Variants in SNTB1 observed in about 807,000 individuals in gnomAD.
SNTB1 encodes beta-1-syntrophin.
In SNTB1, 36 loss-of-function variants were observed where a neutral mutation model predicts 48.9. The observed-to-expected ratio is 0.74, with a 90% confidence interval of 0.56 to 0.97. The LOEUF (loss-of-function observed/expected upper bound fraction) is 0.97. SNTB1 is among the 50% of genes least tolerant of loss of function. SNTB1 has a pLI of 0.00. For missense variants in SNTB1, 786 were observed against 703.4 expected (o/e 1.12, Z -1.33); for synonymous variants, 299 against 294.6 (o/e 1.01, Z -0.15).
At chr8:120,719,188 T>C (rs113203609) in intron 1 of SNTB1, among the ~76,000 whole-genome samples, 4,104 of 152,232 alleles carry the variant, frequency 0.027, 169 homozygotes, top group African/African-American at 0.092. Flanking sequence ...GTCAGTGGGC[T>C]GAGAAAGGCA....
At chr8:120,635,584 G>A (rs1197856533) in intron 2 of SNTB1, 1 of 164,726 alleles carries the variant, frequency 6.1e-6, no homozygotes. Context: ...TTGAGAAATT[G>A]TGCAAGATTA....
chr8:120,535,813 A>G lies in SNTB1; in HGVS notation c.*3064T>C, dbSNP rs1434414691. On this transcript the variant is annotated 3_prime_UTR_variant, in exon 7 of 7. Coordinates refer to ENST00000517992, the MANE Select transcript of SNTB1 (RefSeq NM_021021.4). ...AATTTTACATAATATTCATGGTGCTATAAATATAGGCACATTTTTTAAAAG... is the reference window on the plus strand; with the variant it reads ...AATTTTACATAATATTCATGGTGCTGTAAATATAGGCACATTTTTTAAAAG... The G allele has an allele frequency of 6.6e-6, 1 of 152,204 alleles. No individual in the cohort carries two copies. Among genetic ancestry groups the G allele is most frequent in the Admixed American group, 6.5e-5 (1 of 15,284 alleles). The allele number at this position is 152,204 out of a possible 1,614,324, so 9.4% of individuals were successfully genotyped here.
intron 3 of SNTB1, among the ~76,000 whole-genome samples, chr8:120,598,371 C>T (rs757643204): frequency 2.6e-5 from 4 of 152,196 alleles, no homozygotes; most frequent in Admixed American, 6.5e-5. Flanking sequence ...CTTCTTTATG[C>T]GAGGCCAAAC....
chr8:120,698,528 G>A (rs1005935297), intron 1 of SNTB1, among the ~76,000 whole-genome samples: 1 of 151,718 alleles, frequency 6.6e-6, no homozygotes, highest in Non-Finnish European at 1.5e-5. Flanking sequence ...AAATGAAGAA[G>A]TTTGTTATTG....
intron 4 of SNTB1, among the ~76,000 whole-genome samples, chr8:120,549,581 C>T (rs557647326): frequency 1.3e-5 from 2 of 152,308 alleles, no homozygotes; most frequent in South Asian, 4.1e-4. Flanking sequence ...GAGATTTTTA[C>T]CACACAAGAT....
chr8:120,801,232 G>T (rs918943750), intron 1 of SNTB1, among the ~76,000 whole-genome samples: 1 of 151,974 alleles, frequency 6.6e-6, no homozygotes, highest in Non-Finnish European at 1.5e-5. Flanking sequence ...TATTTGAAAT[G>T]CAAGGCCTCA....
At chr8:120,629,847 A>G (rs1396225796) in intron 3 of SNTB1, among the ~76,000 whole-genome samples, 1 of 152,234 alleles carries the variant, frequency 6.6e-6, no homozygotes, top group Non-Finnish European at 1.5e-5. Context: ...AAATTACACC[A>G]TAAGAACAAT....
chr8:120,673,712 G>A (rs565598348), intron 2 of SNTB1, among the ~76,000 whole-genome samples: 1 of 148,480 alleles, frequency 6.7e-6, no homozygotes, highest in South Asian at 2.2e-4. Flanking sequence ...TGACTGGTTG[G>A]CACCAGGGCC....
chr8:120,733,950 A>G (rs1818895172), intron 1 of SNTB1, among the ~76,000 whole-genome samples: 1 of 152,164 alleles, frequency 6.6e-6, no homozygotes, highest in African/African-American at 2.4e-5. Flanking sequence ...AATTCTCAGG[A>G]TTGTAAAGTT....
At chr8:120,752,463 A>T (rs1010821068) in intron 1 of SNTB1, among the ~76,000 whole-genome samples, 3 of 152,134 alleles carry the variant, frequency 2.0e-5, no homozygotes, top group African/African-American at 7.2e-5. Flanking sequence ...AGGAAAATCA[A>T]TCATTCTAGG....
At chr8:120,714,147 C>T (rs964017619) in intron 1 of SNTB1, among the ~76,000 whole-genome samples, 1 of 152,080 alleles carries the variant, frequency 6.6e-6, no homozygotes, top group African/African-American at 2.4e-5. Flanking sequence ...TCTACCAGAC[C>T]AGAATTTATT....
intron 1 of SNTB1, among the ~76,000 whole-genome samples, chr8:120,699,382 C>G (rs918501012): frequency 6.6e-6 from 1 of 152,170 alleles, no homozygotes; most frequent in African/African-American, 2.4e-5. Context: ...TGGCTTAGCG[C>G]CATCCCCTTG....
At chr8:120,618,667 C>T (rs1816751209) in intron 3 of SNTB1, among the ~76,000 whole-genome samples, 1 of 152,144 alleles carries the variant, frequency 6.6e-6, no homozygotes, top group Non-Finnish European at 1.5e-5. Context: ...TGTTCAATCC[C>T]TAAAAGATGA....
intron 3 of SNTB1, among the ~76,000 whole-genome samples, chr8:120,581,218 C>G (rs1816044903): frequency 6.6e-6 from 1 of 152,098 alleles, no homozygotes; most frequent in South Asian, 2.1e-4. Flanking sequence ...GAAAAGTGCT[C>G]TATGGGAGCC....
intron 2 of SNTB1, among the ~76,000 whole-genome samples, chr8:120,639,932 G>GA: frequency 6.6e-6 from 1 of 152,220 alleles, no homozygotes; most frequent in South Asian, 2.1e-4. Flanking sequence ...TTGGTAGCTT[G>GA]ATGGGGATGG....
intron 5 of SNTB1, among the ~76,000 whole-genome samples, chr8:120,542,822 A>G (rs1815314094): frequency 6.6e-6 from 1 of 152,126 alleles, no homozygotes; most frequent in Non-Finnish European, 1.5e-5. Flanking sequence ...ATAAGTCAGG[A>G]ATGAGTAGTT....
chr8:120,773,343 C>A (rs751612850), intron 1 of SNTB1, among the ~76,000 whole-genome samples: 87 of 152,108 alleles, frequency 5.7e-4, no homozygotes, highest in Non-Finnish European at 1.1e-3. Flanking sequence ...CACAGTGAGA[C>A]CCCATCTCTA....
At chr8:120,807,197 T>C (rs925837759) in intron 1 of SNTB1, among the ~76,000 whole-genome samples, 2 of 152,222 alleles carry the variant, frequency 1.3e-5, no homozygotes, top group Non-Finnish European at 2.9e-5. Flanking sequence ...AACAAAGTTA[T>C]GGATAAATTA....
intron 1 of SNTB1, among the ~76,000 whole-genome samples, chr8:120,747,854 C>T (rs931689658): frequency 6.6e-6 from 1 of 152,112 alleles, no homozygotes; most frequent in Non-Finnish European, 1.5e-5. Flanking sequence ...AAAAAATAGG[C>T]AAACCCATAC....
Sources: allele counts gnomAD v4.1 joint callset (sites outside exome capture counted in the v4.1 genomes callset), GRCh38; gene constraint gnomAD v4.1.1; transcripts MANE v1.5; gene names NCBI Gene and HGNC (gene_info 2026-07-23, HGNC 2026-07-21).